Variants in NMRAL1 observed in about 807,000 individuals in gnomAD.
NMRAL1 encodes the protein NmrA like redox sensor 1.
Under a neutral mutation model 27.5 loss-of-function variants are expected in NMRAL1, and 32 were observed. The ratio of observed to expected loss-of-function variants is 1.16; its 90% confidence interval spans 0.88 to 1.56. The LOEUF (loss-of-function observed/expected upper bound fraction) is 1.56. NMRAL1 is among the 40% of genes most tolerant of loss of function. The pLI, the probability that NMRAL1 is intolerant of heterozygous loss-of-function variation, is 0.00. For missense variants in NMRAL1, 420 were observed against 392.0 expected, an observed-to-expected ratio of 1.07 and a Z score of -0.60; for synonymous variants, 166 against 166.8, an observed-to-expected ratio of 1.00 and a Z score of 0.04.
intron 1 of NMRAL1, 95 bp from the exon 2 acceptor site, chr16:4,474,261 G>T: frequency 1.2e-6 from 1 of 862,828 alleles, no homozygotes; most frequent in Non-Finnish European, 1.8e-6. Context: ...TCGAGTATGT[G>T]TCGAAGGGGG....
chr16:4,475,706 G>A (rs1409521579), upstream of NMRAL1, among the ~76,000 whole-genome samples: 4 of 151,966 alleles, frequency 2.6e-5, no homozygotes, highest in African/African-American at 9.7e-5. Flanking sequence ...GGGAGGCCGA[G>A]GCGGGTGGAT....
At position 4,463,681 on chromosome 16, in the gene NMRAL1, G is replaced by A; in HGVS notation, c.699C>T (p.Arg233=). 6.2e-7 allele frequency: 1 copy of A among 1,613,874 alleles called. No individual in the cohort carries two copies. Among genetic ancestry groups the A allele is most frequent in the Non-Finnish European group, 8.5e-7 (1 of 1,180,014 alleles). ...EYAALLTKHT[R]KVVHDAKMTP... ...CCACCTTGGCATCGTGCACGACCTT[G>A]CGGGTGTGCTTGGTGAGCAGGGCAG... The change falls in exon 5 of 6, where the codon CGC becomes CGT. Residue 233 remains arginine (R), a synonymous_variant. Transcript: ENST00000283429.
At chr16:4,467,884 T>C (rs568262979) in intron 3 of NMRAL1, among the ~76,000 whole-genome samples, 1 of 152,082 alleles carries the variant, frequency 6.6e-6, no homozygotes, top group Admixed American at 6.5e-5. Flanking sequence ...CCTCCCAAAG[T>C]GTGGGGATTA....
upstream of NMRAL1, among the ~76,000 whole-genome samples, chr16:4,475,252 C>T (rs2057785801): frequency 6.6e-6 from 1 of 151,870 alleles, no homozygotes; most frequent in East Asian, 1.9e-4. Flanking sequence ...CGTGCCCAGC[C>T]CTAACTCACT....
At chr16:4,466,096 C>T in intron 4 of NMRAL1, 57 bp downstream of exon 4, 1 of 1,603,602 alleles carries the variant, frequency 6.2e-7, no homozygotes, top group Non-Finnish European at 8.5e-7. Flanking sequence ...GTCTGTTACA[C>T]CAACGGCTTT....
chr16:4,464,300 T>A (rs2057230161), intron 4 of NMRAL1: 1 of 174,816 alleles, frequency 5.7e-6, no homozygotes, highest in Admixed American at 6.3e-5. Flanking sequence ...AACGTCCACC[T>A]CTGAGTAGAT....
intron 4 of NMRAL1, 34 bp from the exon 5 acceptor site, chr16:4,463,884 C>T (rs749191437): frequency 7.6e-6 from 12 of 1,586,032 alleles, no homozygotes; most frequent in South Asian, 3.4e-5. Flanking sequence ...GTATATGTCC[C>T]GAGGGCAGAC....
intron 2 of NMRAL1, among the ~76,000 whole-genome samples, chr16:4,473,049 C>A (rs1308175495): frequency 6.7e-6 from 1 of 149,870 alleles, no homozygotes; most frequent in East Asian, 2.0e-4. Flanking sequence ...AATCAGGTCA[C>A]TGCAGCCTTG....
chr16:4,469,619 T>C, intron 2 of NMRAL1, 154 bp from the exon 3 acceptor site: 1 of 1,449,286 alleles, frequency 6.9e-7, no homozygotes, highest in African/African-American at 1.4e-5. Flanking sequence ...TTCTTTATTT[T>C]ATTTTTTTGA....
rs1567367156 is a variant in NMRAL1, at chr16:4,473,907, CAG to C, written c.40+184_40+185del. Among the ~76,000 whole-genome samples, 5 of 151,538 alleles carry C rather than the reference CAG, an allele frequency of 3.3e-5. No homozygotes were observed. The South Asian group carries it at 1.0e-3, about 32-fold the overall frequency. ...TGCCATCGCACTGCAGCCTGGGTGA[CAG>C]AGCAAAACTCCGTCCAAAAAAAAAA... On this transcript the variant is annotated intron_variant, in intron 2 of 5. Transcript: ENST00000283429.
intron 2 of NMRAL1, among the ~76,000 whole-genome samples, chr16:4,470,465 G>A (rs1287265353): frequency 6.6e-6 from 1 of 151,568 alleles, no homozygotes; most frequent in East Asian, 1.9e-4. Flanking sequence ...AGCGAAACTT[G>A]GTCTCAAAAA....
chr16:4,473,393 G>T (rs1374899216), intron 2 of NMRAL1, among the ~76,000 whole-genome samples: 1 of 151,856 alleles, frequency 6.6e-6, no homozygotes, highest in East Asian at 1.9e-4. Flanking sequence ...TATAGTACGT[G>T]AATTATATCT....
rs142053538 is a variant in NMRAL1, at chr16:4,473,745, A to C, written c.40+348T>G. 2.9e-3 allele frequency among the ~76,000 whole-genome samples: 440 copies of C among 151,972 alleles called. 3 individuals carry two copies. Among genetic ancestry groups the C allele is most frequent in the African/African-American group, 0.01 (416 of 41,442 alleles). On this transcript the variant is annotated intron_variant, in intron 2 of 5. Transcript: ENST00000283429. ...GTTTGAGACCAGCCTGACCAATATG[A>C]TGAAACCCCGTCTCTACTAAAAATA...
Position 4,474,168 on chromosome 16 carries a change from TG to T in NMRAL1, c.-34-3del. ...ATGGGACGAATCCGGTCCAGAGATC[TG>T]GGGGTAATGGGAGGCGTGGAGTTGG... On this transcript the variant is annotated splice_polypyrimidine_tract_variant and splice_region_variant and intron_variant, in intron 1 of 5. Coordinates refer to ENST00000283429, the MANE Select transcript of NMRAL1 (RefSeq NM_020677.6). 1.2e-6 allele frequency: 2 copies of T among 1,602,140 alleles called. No homozygotes were observed. Among genetic ancestry groups the T allele is most frequent in the East Asian group, 2.2e-5 (1 of 44,702 alleles).
chr16:4,463,200 A>G (rs2057175905), intron 5 of NMRAL1, among the ~76,000 whole-genome samples: 1 of 152,178 alleles, frequency 6.6e-6, no homozygotes, highest in South Asian at 2.1e-4. Flanking sequence ...AATGGTAATG[A>G]CAAACATTAG....
chr16:4,473,959 G>C (rs2057708387), intron 2 of NMRAL1, 134 bp downstream of exon 2: 1 of 631,962 alleles, frequency 1.6e-6, no homozygotes. Flanking sequence ...TTTGGGCCTC[G>C]TTCCTGCGAC....
chr16:4,466,165 TCTTTC>T lies in NMRAL1; in HGVS notation c.512_516del (p.Gly171GlufsTer10), dbSNP rs1181107646. The T allele has an allele frequency of 6.2e-7, 1 of 1,614,138 alleles. No individual in the cohort carries two copies. Among genetic ancestry groups the T allele is most frequent in the South Asian group, 1.1e-5 (1 of 91,084 alleles). On this transcript the variant is annotated frameshift_variant, in exon 4 of 6. Transcript: ENST00000283429. LOFTEE classifies it high-confidence loss of function. ...AAAGGGCACTTACTCAGCAAGTAGC[TCTTTC>T]CGTCTGGGGCTTTCTGGGGCAAGAA... is the stretch of plus-strand genomic sequence containing the variant.
intron 3 of NMRAL1, among the ~76,000 whole-genome samples, chr16:4,468,468 T>C (rs1461188111): frequency 6.6e-6 from 1 of 151,446 alleles, no homozygotes; most frequent in East Asian, 1.9e-4. Context: ...ATACAAAAAT[T>C]AGTTGGGTGT....
At position 4,463,756 on chromosome 16, in the gene NMRAL1, G is replaced by A. The variant is rs200907550; in HGVS notation, c.624C>T (p.Val208=). The change falls in exon 5 of 6, where the codon GTC becomes GTT. Residue 208 remains valine (V), a synonymous_variant. Transcript: ENST00000283429. ...LSLLKMPEKY[V]GQNIGLSTCR... ...AAGTGCTCAGCCCGATGTTCTGGCC[G>A]ACGTATTTTTCTGGCATCTTCAAAA... is the stretch of plus-strand genomic sequence containing the variant. 2.3e-5 allele frequency: 37 copies of A among 1,613,970 alleles called. No individual in the cohort carries two copies. The highest frequency in any genetic ancestry group is 5.3e-5 in the African/African-American group (4 of 74,916).
Sources: allele counts gnomAD v4.1 joint callset (sites outside exome capture counted in the v4.1 genomes callset), GRCh38; gene constraint gnomAD v4.1.1; transcripts MANE v1.5; gene names NCBI Gene and HGNC (gene_info 2026-07-23, HGNC 2026-07-21).